The following CFAP99 variants were observed in gnomAD, a reference collection of about 807,000 sequenced individuals.
CFAP99 encodes cilia and flagella associated protein 99.
Under a neutral mutation model 82.7 loss-of-function variants are expected in CFAP99, and 84 were observed. That is an observed-to-expected ratio of 1.02 (90% CI 0.85 to 1.22). The LOEUF (loss-of-function observed/expected upper bound fraction) is 1.22, where lower values mean the gene tolerates loss of function less well. Among genes scored for constraint, CFAP99 ranks in the 50% most tolerant of loss-of-function variants. The probability of loss-of-function intolerance (pLI) is 0.00; values close to 1 mark genes in which losing one functional copy is unlikely to be tolerated. For synonymous variants in CFAP99, 456 were observed against 429.5 expected, an observed-to-expected ratio of 1.06 and a Z score of -0.76; for missense variants, 1,059 against 983.5, an observed-to-expected ratio of 1.08 and a Z score of -1.03.
chr4:2,459,637 C>T (rs909485325), intron 13 of CFAP99, among the ~76,000 whole-genome samples: 7 of 152,166 alleles, frequency 4.6e-5, no homozygotes, highest in Non-Finnish European at 1.0e-4. Context: ...TTGAGGAGGG[C>T]CTGCCGGAAG....
At chr4:2,429,371 G>A (rs1350644373) in intron 2 of CFAP99, 1 of 152,184 alleles carries the variant, frequency 6.6e-6, no homozygotes, top group Non-Finnish European at 1.5e-5. Context: ...GATTATTAGT[G>A]GTAGATGAGA....
intron 2 of CFAP99, among the ~76,000 whole-genome samples, chr4:2,433,600 C>A (rs943839297): frequency 1.3e-5 from 2 of 152,184 alleles, no homozygotes; most frequent in African/African-American, 4.8e-5. Context: ...CCATGCCCAG[C>A]CTCACTCACA....
chr4:2,438,764 C>T (rs908181486), intron 4 of CFAP99, among the ~76,000 whole-genome samples: 4 of 151,954 alleles, frequency 2.6e-5, no homozygotes, highest in Non-Finnish European at 4.4e-5. Flanking sequence ...AGCAAGACCC[C>T]GTCTCTAAAA....
chr4:2,460,343 C>A, intron 14 of CFAP99, 101 bp downstream of exon 14: 2 of 1,041,060 alleles, frequency 1.9e-6, no homozygotes, highest in South Asian at 2.9e-5. Flanking sequence ...ACAACCACCA[C>A]CCTCCTGCCC....
chr4:2,430,811 G>T (rs1408878894), intron 2 of CFAP99, among the ~76,000 whole-genome samples: 1 of 152,156 alleles, frequency 6.6e-6, no homozygotes, highest in South Asian at 2.1e-4. Context: ...GGTGGCTCAT[G>T]CCTGTAATCT....
intron 2 of CFAP99, among the ~76,000 whole-genome samples, chr4:2,436,094 A>T (rs915508588): frequency 8.9e-5 from 13 of 145,642 alleles, no homozygotes; most frequent in Non-Finnish European, 2.0e-4. Context: ...AAAAAAAAAA[A>T]ATCTATATAT....
At chr4:2,459,209 C>T in exon 13 of CFAP99, 1 of 1,535,710 alleles carries the variant, frequency 6.5e-7, no homozygotes. Context: ...CAGCTGCGCG[C>T]ACTCGAGACA....
chr4:2,433,724 G>C (rs547515063), intron 2 of CFAP99, among the ~76,000 whole-genome samples: 1 of 152,224 alleles, frequency 6.6e-6, no homozygotes, highest in African/African-American at 2.4e-5. Flanking sequence ...GCCATGCCGC[G>C]ACTGGGACAG....
Position 2,425,063 on chromosome 4 carries a change from T to C in CFAP99, c.-17-1396T>C, listed in dbSNP as rs1481811308. Among the ~76,000 whole-genome samples the C allele has an allele frequency of 4.6e-5, 7 of 152,344 alleles. No homozygotes were observed. The East Asian group carries it at 1.3e-3, about 29-fold the overall frequency. On this transcript the variant is annotated intron_variant, in intron 1 of 14. Transcript: ENST00000635017. ...CTACTCAGGGAGATTTCCTCAACTT[T>C]ACCTTCCGTCTCCTGTTTATGTTTT...
At chr4:2,429,593 C>CTTTTT (rs33954359) in intron 2 of CFAP99, among the ~76,000 whole-genome samples, 1 of 139,156 alleles carries the variant, frequency 7.2e-6, no homozygotes, top group African/African-American at 2.7e-5. Context: ...TTCTTTCTTT[C>CTTTTT]TTTTTTTTTT....
In CFAP99 at chr4:2,443,253, T is replaced by TG. The variant is rs1257060374; in HGVS notation, c.464+17dup. 2.7e-5 allele frequency: 40 copies of TG among 1,489,870 alleles called. No individual in the cohort carries two copies. Among genetic ancestry groups the TG allele is most frequent in the African/African-American group, 2.8e-5 (2 of 72,088 alleles). The allele number at this position is 1,489,870 out of a possible 1,614,324, so 92.3% of individuals were successfully genotyped here. ...CGACCCCCTGATGAGGTAGGCTGGA[T>TG]GGGGGGCTCTGGGGGCCCTGAATGG... On this transcript the variant is annotated intron_variant, in intron 5 of 14. Coordinates refer to ENST00000635017, the Ensembl canonical transcript of CFAP99.
At chr4:2,435,530 T>C (rs1188423240) in intron 2 of CFAP99, among the ~76,000 whole-genome samples, 1 of 152,112 alleles carries the variant, frequency 6.6e-6, no homozygotes, top group Non-Finnish European at 1.5e-5. Context: ...ATAAAAAAAG[T>C]TTAGCCAATT....
chr4:2,458,111 T>A (rs1414601140), intron 11 of CFAP99, among the ~76,000 whole-genome samples: 15 of 152,224 alleles, frequency 9.9e-5, no homozygotes, highest in Admixed American at 9.8e-4. Context: ...GCCGTCTCCC[T>A]GTGCCATGGT....
exon 10 of CFAP99, chr4:2,451,292 C>T: frequency 1.3e-6 from 2 of 1,536,060 alleles, no homozygotes; most frequent in Non-Finnish European, 1.7e-6. Context: ...AAGCTGAACA[C>T]CACAGCCATC....
At chr4:2,424,061 C>T (rs1733635248) in intron 1 of CFAP99, among the ~76,000 whole-genome samples, 1 of 152,244 alleles carries the variant, frequency 6.6e-6, no homozygotes, top group African/African-American at 2.4e-5. Flanking sequence ...CTTCTGGCCT[C>T]CTTAGAGAGA....
In CFAP99 at chr4:2,446,049, C is replaced by G. The variant is rs765896287; in HGVS notation, c.642+741C>G. Among the ~76,000 whole-genome samples, 1 of 152,218 alleles carries G rather than the reference C, an allele frequency of 6.6e-6. No individual in the cohort carries two copies. The highest frequency in any genetic ancestry group is 1.9e-4 in the East Asian group (1 of 5,202). On this transcript the variant is annotated intron_variant, in intron 6 of 14. Coordinates refer to ENST00000635017, the Ensembl canonical transcript of CFAP99. The surrounding 1 kb of genome is among the most constrained non-coding windows in gnomAD (Gnocchi z 5.0). The stretch of plus-strand genomic sequence containing the variant: ...AATGGACTGAGCTTCCCAGAACCAA[C>G]GTGGTTCTGCAACAGGACTAAGGGC...
intron 5 of CFAP99, 123 bp from the exon 6 acceptor site, chr4:2,445,008 A>G (rs1182848391): frequency 3.3e-6 from 2 of 614,934 alleles, no homozygotes; most frequent in African/African-American, 3.8e-5. Flanking sequence ...CGTCCATCCC[A>G]CTATCACCTC....
intron 6 of CFAP99, among the ~76,000 whole-genome samples, chr4:2,447,826 G>A (rs1189672939): frequency 7.3e-6 from 1 of 137,012 alleles, no homozygotes; most frequent in Non-Finnish European, 1.6e-5. Flanking sequence ...GGATGGGTGG[G>A]TGGGTGGATG....
At chr4:2,443,101 G>T in intron 4 of CFAP99, 29 bp from the exon 5 acceptor site, 5 of 1,280,932 alleles carry the variant, frequency 3.9e-6, no homozygotes, top group Non-Finnish European at 5.5e-6. Flanking sequence ...CCAGGGCTCC[G>T]GCCCCCTGAC....
Sources: allele counts gnomAD v4.1 joint callset (sites outside exome capture counted in the v4.1 genomes callset), GRCh38; gene constraint gnomAD v4.1.1; non-coding constraint Gnocchi (gnomAD v3.1); transcripts MANE v1.5; gene names NCBI Gene and HGNC (gene_info 2026-07-23, HGNC 2026-07-21).